ABCB8: variants seen among roughly 807,000 people sequenced by gnomAD.
ABCB8 encodes the protein ATP binding cassette subfamily B member 8, also known as mitochondrial potassium channel ATP-binding subunit.
In ABCB8, 52 loss-of-function variants were observed where a neutral mutation model predicts 73.0. The observed-to-expected ratio is 0.71, with a 90% CI of 0.57 to 0.90. ABCB8 has a LOEUF of 0.90. ABCB8 is among the 40% of genes least tolerant of loss of function. ABCB8 has a pLI of 0.00. For missense variants in ABCB8, 909 were observed against 974.6 expected, an observed-to-expected ratio of 0.93 and a Z score of 0.90; for synonymous variants, 428 against 423.5, an observed-to-expected ratio of 1.01 and a Z score of -0.13.
chr7:151,042,168 G>A lies in ABCB8; in HGVS notation c.1765+60G>A, dbSNP rs921010207. 33 of 1,598,310 alleles carry A rather than the reference G, an allele frequency of 2.1e-5. No homozygotes were observed. In the Middle Eastern group the frequency reaches 6.0e-4, roughly 29 times the overall value. On this transcript the variant is annotated intron_variant, in intron 14 of 15. Coordinates refer to ENST00000358849, the MANE Select transcript of ABCB8 (RefSeq NM_007188.5). Reference sequence around the variant, plus strand: ...AGGCACTGGGACACAGGATTCCACAGGAGCAGTGAGCAGCCCAGTGGGACT... The same window carrying A: ...AGGCACTGGGACACAGGATTCCACAAGAGCAGTGAGCAGCCCAGTGGGACT...
chr7:151,039,286 GC>G (rs1382348556), intron 9 of ABCB8: 2 of 134,168 alleles, frequency 1.5e-5, no homozygotes, highest in Non-Finnish European at 3.1e-5. Flanking sequence ...CCTGCCTGGT[GC>G]CTCCCCCGGC....
Position 151,035,641 on chromosome 7 carries a change from C to G in ABCB8, c.826C>G (p.Arg276Gly). Residue 276 changes from arginine (R) to glycine (G), a missense_variant, in exon 6 of 16, where the codon CGC becomes GGC. Transcript: ENST00000358849. ...GGTGTCCCTGTCCATGCTGTCGACA[C>G]GCCTCACGCTGCTGCTGATGGTGGC... Reference protein sequence around the residue: ...CLVSLSMLSTRLTLLLMVATP... With the variant: ...CLVSLSMLSTGLTLLLMVATP... The G allele has an allele frequency of 6.2e-7, 1 of 1,612,090 alleles. No homozygotes were observed. The highest frequency in any genetic ancestry group is 8.5e-7 in the Non-Finnish European group (1 of 1,178,800).
chr7:151,028,629 A>G lies in ABCB8; in HGVS notation c.95+19A>G, dbSNP rs1312028604. On this transcript the variant is annotated intron_variant, in intron 1 of 15. Coordinates refer to ENST00000358849, the MANE Select transcript of ABCB8 (RefSeq NM_007188.5). ...CTGTCAGGTAAAAACGGAAAAACCT[A>G]CTCAGAGCGGGCCATTGACCGCCCG... is the stretch of plus-strand genomic sequence containing the variant. The G allele has an allele frequency of 1.2e-6, 2 of 1,608,804 alleles. No individual in the cohort carries two copies. Among genetic ancestry groups the G allele is most frequent in the African/African-American group, 2.7e-5 (2 of 74,770 alleles).
rs1365622503 is a variant in ABCB8, at chr7:151,033,284, C to T, written c.96-321C>T. On this transcript the variant is annotated intron_variant, in intron 1 of 15. Coordinates refer to ENST00000358849, the MANE Select transcript of ABCB8 (RefSeq NM_007188.5). The stretch of plus-strand genomic sequence containing the variant: ...TGGCCATCTAACGTGCCATCCAGTT[C>T]TTCAGGCTGTCATTCTGTCAGAGCC... 8.0e-6 allele frequency: 5 copies of T among 624,486 alleles called. No individual in the cohort carries two copies. The Admixed American group carries it at 1.7e-4, about 21-fold the overall frequency. 38.7% of individuals were successfully genotyped at this position (624,486 alleles called of 1,614,324 possible). A position where few individuals can be genotyped will look rare whatever the true frequency, so the allele number is the denominator to read the frequency against.
chr7:151,042,830 C>T (rs1796504969), intron 14 of ABCB8, among the ~76,000 whole-genome samples: 1 of 152,210 alleles, frequency 6.6e-6, no homozygotes, highest in African/African-American at 2.4e-5. Context: ...GCCAGTGTCC[C>T]CAGCCCAGCC....
At chr7:151,034,067 C>A (rs1413296463) in intron 2 of ABCB8, 150 bp downstream of exon 2, 1 of 1,187,732 alleles carries the variant, frequency 8.4e-7, no homozygotes, top group African/African-American at 1.6e-5. Context: ...AGCATCAACA[C>A]TGGGTGGCTG....
intron 15 of ABCB8, 28 bp from the exon 16 acceptor site, chr7:151,045,181 C>A (rs1405194712): frequency 2.6e-6 from 4 of 1,517,042 alleles, no homozygotes; most frequent in Non-Finnish European, 3.5e-6. Context: ...CTTGGAGCAA[C>A]CATCCGCCCT....
intron 9 of ABCB8, 175 bp downstream of exon 9, chr7:151,036,824 A>G (rs1796323302): frequency 1.3e-6 from 1 of 760,356 alleles, no homozygotes; most frequent in South Asian, 1.4e-5. Flanking sequence ...CAGGGCCCAT[A>G]ACAACCCTCC....
chr7:151,034,051 GC>G, intron 2 of ABCB8, 134 bp downstream of exon 2: 1 of 1,264,222 alleles, frequency 7.9e-7, no homozygotes, highest in Non-Finnish European at 1.1e-6. Flanking sequence ...GTCCAGGGGT[GC>G]CAGGAGCATC....
At chr7:151,034,052 C>A in intron 2 of ABCB8, 135 bp downstream of exon 2, 1 of 1,252,036 alleles carries the variant, frequency 8.0e-7, no homozygotes, top group Non-Finnish European at 1.1e-6. Context: ...TCCAGGGGTG[C>A]CAGGAGCATC....
rs373159314 is a variant in ABCB8, at chr7:151,041,129, G to A, written c.1514G>A (p.Arg505His). Residue 505 changes from arginine to histidine, a missense_variant, in exon 13 of 16, where the codon CGC (arginine) becomes CAC (histidine). Physicochemically the swap from Arg to His is conservative, Grantham distance 29. Transcript: ENST00000358849. ...GKTTVASLLE[R>H]FYDPTAGVVM... ...ACCACCGTGGCTTCCCTGCTGGAGC[G>A]CTTCTACGACCCCACGGCAGGCGTG... The A allele has an allele frequency of 1.5e-5, 25 of 1,613,092 alleles. No homozygotes were observed. Among genetic ancestry groups the A allele is most frequent in the African/African-American group, 2.7e-5 (2 of 74,926 alleles).
intron 9 of ABCB8, chr7:151,039,164 T>A (rs1177580220): frequency 1.3e-5 from 2 of 152,292 alleles, no homozygotes. Flanking sequence ...GTCATGTGCA[T>A]TTTGAATTTC....
At chr7:151,042,243 G>C (rs2303928) in intron 14 of ABCB8, 135 bp downstream of exon 14, 855,657 of 1,335,568 alleles carry the variant, frequency 0.64, 276,679 homozygotes, top group African/African-American at 0.84. Flanking sequence ...CAGGGAAGAC[G>C]AGAACCACAG....
chr7:151,041,451 T>G (rs1476623127), intron 13 of ABCB8, among the ~76,000 whole-genome samples: 1 of 152,264 alleles, frequency 6.6e-6, no homozygotes, highest in Non-Finnish European at 1.5e-5. Context: ...GCAGGGACGC[T>G]TTGTCCGCAT....
chr7:151,028,578 G>T lies in ABCB8; in HGVS notation c.63G>T (p.Pro21=), dbSNP rs376989741. 1.5e-5 allele frequency: 25 copies of T among 1,613,772 alleles called. No individual in the cohort carries two copies. Among genetic ancestry groups the T allele is most frequent in the African/African-American group, 4.0e-5 (3 of 74,928 alleles). The change falls in exon 1 of 16, where the codon CCG becomes CCT. Residue 21 remains proline (P), a synonymous_variant. Transcript: ENST00000358849. ...RGGPFPGRLL[P]PLRFQTFSAV... is the part of the protein sequence containing the mutation. ...GCCCATTCCCAGGCAGGCTGCTACC[G>T]CCCCTCCGCTTCCAGACATTCTCAG...
rs917966247 is a variant in ABCB8 at position 151,046,580 on chromosome 7, C to G, written c.*1231C>G. 32 of 152,288 alleles carry G rather than the reference C, an allele frequency of 2.1e-4. No individual in the cohort carries two copies. Among genetic ancestry groups the G allele is most frequent in the African/African-American group, 7.2e-4 (30 of 41,476 alleles). 9.4% of individuals were successfully genotyped at this position (152,288 alleles called of 1,614,324 possible). On this transcript the variant is annotated 3_prime_UTR_variant, in exon 16 of 16. Coordinates refer to ENST00000358849, the MANE Select transcript of ABCB8 (RefSeq NM_007188.5). ...GTCACTTCCTACTGGGATCCTTCCC[C>G]TATCCAGCCACATCCAGGCTGTGGG... is the stretch of plus-strand genomic sequence containing the variant.
chr7:151,034,704 T>C lies in ABCB8; in HGVS notation c.660-20T>C. 1 of 1,612,802 alleles carries C rather than the reference T, an allele frequency of 6.2e-7. No individual in the cohort carries two copies. The highest frequency in any genetic ancestry group is 2.2e-5 in the East Asian group (1 of 44,830). On this transcript the variant is annotated intron_variant, in intron 4 of 15. Coordinates refer to ENST00000358849, the MANE Select transcript of ABCB8 (RefSeq NM_007188.5). ...TGTCTCCCTCTTCTGCCCTCCTTAT[T>C]GGTTCTTGTCCCATGCCAGACAAGA...
chr7:151,037,136 C>T, intron 9 of ABCB8: 1 of 702,676 alleles, frequency 1.4e-6, no homozygotes, highest in Non-Finnish European at 2.6e-6. Flanking sequence ...ACCCACCATT[C>T]CACTTTCTGT....
intron 9 of ABCB8, chr7:151,038,996 C>G (rs906793767): frequency 2.0e-5 from 3 of 152,220 alleles, no homozygotes; most frequent in Non-Finnish European, 4.4e-5. Context: ...AACCTATGAG[C>G]CCATCCTGAG....
Sources: gnomAD v4.1 joint callset for allele counts (sites outside exome capture counted in the v4.1 genomes callset) on GRCh38, gnomAD v4.1.1 for gene constraint, MANE v1.5 for transcripts, NCBI Gene and HGNC (gene_info 2026-07-23, HGNC 2026-07-21) for gene names.